The following EPS15L1 variants were observed in gnomAD, a reference collection of about 807,000 sequenced individuals.
EPS15L1 encodes the protein epidermal growth factor receptor substrate 15-like 1.
A neutral mutation model predicts 117.1 loss-of-function variants in EPS15L1; 43 were observed. The ratio of observed to expected loss-of-function variants is 0.37; its 90% CI spans 0.29 to 0.47. The LOEUF (loss-of-function observed/expected upper bound fraction) is 0.47. EPS15L1 is among the 20% of genes least tolerant of loss of function. The probability of loss-of-function intolerance (pLI) is 0.99; values close to 1 mark genes in which losing one functional copy is unlikely to be tolerated. For missense variants in EPS15L1, 981 were observed against 1,164.0 expected, an observed-to-expected ratio of 0.84 and a Z score of 2.29; for synonymous variants, 459 against 470.5, an observed-to-expected ratio of 0.98 and a Z score of 0.32.
intron 1 of EPS15L1, among the ~76,000 whole-genome samples, chr19:16,457,947 AG>A (rs2093212877): frequency 6.6e-6 from 1 of 151,798 alleles, no homozygotes; most frequent in African/African-American, 2.4e-5. Flanking sequence ...GCCTCCCACA[AG>A]GGCCCACTTC....
Position 16,425,218 on chromosome 19 carries a change from G to C in EPS15L1, c.657C>G (p.Phe219Leu). 7.2e-7 allele frequency: 1 copy of C among 1,387,614 alleles called. No homozygotes were observed. The highest frequency in any genetic ancestry group is 9.7e-7 in the Non-Finnish European group (1 of 1,032,906). 86.0% of individuals were successfully genotyped at this position (1,387,614 alleles called of 1,614,324 possible). The change falls in exon 9 of 24, where the codon TTC (phenylalanine) becomes TTG (leucine). Residue 219 changes from phenylalanine to leucine, a missense_variant. Around this residue, in one of 5 missense-constraint regions of EPS15L1, gnomAD observed 819 missense variants for 949.0 expected, o/e 0.86. Transcript: ENST00000455140. ...IPPSKRKKTV[F>L]PGAVPVLPAS... ...CAGGCAGGACGGGGACGGCGCCAGG[G>C]AACACAGTCTTCTTTCTCTTGGAGG... is the stretch of plus-strand genomic sequence containing the variant.
chr19:16,454,671 T>C (rs2093178131), intron 1 of EPS15L1, among the ~76,000 whole-genome samples: 1 of 151,958 alleles, frequency 6.6e-6, no homozygotes, highest in South Asian at 2.1e-4. Flanking sequence ...GGCACAGGGG[T>C]AAGGCCTACA....
At chr19:16,464,819 C>T (rs1224545572) in intron 1 of EPS15L1, among the ~76,000 whole-genome samples, 1 of 152,152 alleles carries the variant, frequency 6.6e-6, no homozygotes, top group Non-Finnish European at 1.5e-5. Context: ...CATGGTGGCT[C>T]ACGCCTGTAA....
At chr19:16,428,987 TTGATTA>T (rs1006479507) in intron 7 of EPS15L1, among the ~76,000 whole-genome samples, 1 of 152,154 alleles carries the variant, frequency 6.6e-6, no homozygotes, top group African/African-American at 2.4e-5. Context: ...TATAATCATA[TTGATTA>T]TAAGATTATA....
intron 13 of EPS15L1, among the ~76,000 whole-genome samples, chr19:16,409,676 G>A (rs946945301): frequency 6.6e-6 from 1 of 152,122 alleles, no homozygotes; most frequent in Non-Finnish European, 1.5e-5. Flanking sequence ...AGTGGCTCCC[G>A]CCTGTAATCC....
In EPS15L1 at chr19:16,417,954, G is replaced by C. The variant is rs200865144; in HGVS notation, c.1101C>G (p.Pro367=). ...CATGACCAGCACCACTCACCGGGCCGGGCGTGCCTCTCTCCGAAGGCGGGA... is the reference window on the plus strand; with the variant it reads ...CATGACCAGCACCACTCACCGGGCCCGGCGTGCCTCTCTCCGAAGGCGGGA... ...DMVPPSERGT[P]GPDSSGSLGS... The change falls in exon 11 of 24, where the codon CCC becomes CCG. Residue 367 remains proline, a synonymous_variant. Coordinates refer to ENST00000455140, the MANE Select transcript of EPS15L1 (RefSeq NM_001258374.3). The C allele has an allele frequency of 2.5e-6, 4 of 1,613,078 alleles. No individual in the cohort carries two copies. Among genetic ancestry groups the C allele is most frequent in the Admixed American group, 3.3e-5 (2 of 59,930 alleles).
chr19:16,406,360 TG>T (rs1480307523), intron 13 of EPS15L1, among the ~76,000 whole-genome samples: 29 of 151,998 alleles, frequency 1.9e-4, no homozygotes, highest in African/African-American at 7.0e-4. Context: ...CTCCAGTGAG[TG>T]TGCCAGGAAG....
chr19:16,398,794 G>A (rs1007884316), intron 16 of EPS15L1, among the ~76,000 whole-genome samples: 1 of 152,032 alleles, frequency 6.6e-6, no homozygotes, highest in South Asian at 2.1e-4. Flanking sequence ...CTCTCCTTAG[G>A]CGACTGGTGG....
intron 9 of EPS15L1, among the ~76,000 whole-genome samples, chr19:16,423,152 A>G (rs1441026295): frequency 6.6e-6 from 1 of 152,208 alleles, no homozygotes; most frequent in African/African-American, 2.4e-5. Context: ...CAGGGAAATC[A>G]GAAAGCAAGC....
chr19:16,451,397 G>C (rs191847286), intron 1 of EPS15L1, among the ~76,000 whole-genome samples: 6 of 152,320 alleles, frequency 3.9e-5, no homozygotes, highest in African/African-American at 1.4e-4. Context: ...CTTGTTATCA[G>C]ATAATACCAA....
At chr19:16,362,508 GTTCT>G (rs2092070596) in intron 22 of EPS15L1, among the ~76,000 whole-genome samples, 1 of 106,532 alleles carries the variant, frequency 9.4e-6, no homozygotes, top group Non-Finnish European at 1.9e-5. Flanking sequence ...TGAGGTTTAA[GTTCT>G]TTTTTTTTTT....
chr19:16,378,122 G>T (rs1330283583), intron 21 of EPS15L1, among the ~76,000 whole-genome samples: 1 of 152,094 alleles, frequency 6.6e-6, no homozygotes, highest in Non-Finnish European at 1.5e-5. Context: ...GTGGGTGGAT[G>T]GATGGATGGA....
intron 10 of EPS15L1, among the ~76,000 whole-genome samples, chr19:16,420,413 T>C (rs183351307): frequency 9.5e-4 from 145 of 152,332 alleles, no homozygotes; most frequent in Middle Eastern, 3.4e-3. Context: ...CTGTGTTTTG[T>C]TGGTTTCTAA....
At chr19:16,431,426 C>T (rs1368517528) in intron 7 of EPS15L1, among the ~76,000 whole-genome samples, 1 of 151,406 alleles carries the variant, frequency 6.6e-6, no homozygotes, top group Non-Finnish European at 1.5e-5. Context: ...GCCTCAGCTT[C>T]CCGAGTCGCT....
chr19:16,374,873 G>A (rs1033652188), intron 22 of EPS15L1, among the ~76,000 whole-genome samples: 1 of 152,144 alleles, frequency 6.6e-6, no homozygotes, highest in African/African-American at 2.4e-5. Flanking sequence ...GCACGCATAT[G>A]TGTGTGCACG....
At position 16,471,953 on chromosome 19, in the gene EPS15L1, C is replaced by A. The variant is rs10415269; in HGVS notation, c.-8G>T. On this transcript the variant is annotated 5_prime_UTR_variant, in exon 1 of 24. Transcript: ENST00000455140. The surrounding 1 kb of genome is among the most constrained non-coding windows in gnomAD (Gnocchi z 4.8). ...GATGAGCGGCGCCGCCATCTTCCCG[C>A]GGACTCGGGCTCCGAGCGCCGGGGG... 8.8e-4 allele frequency: 1,136 copies of A among 1,286,570 alleles called. 10 individuals are homozygous for A. The African/African-American group carries it at 0.015, about 17-fold the overall frequency. The allele number at this position is 1,286,570 out of a possible 1,614,324, so 79.7% of individuals were successfully genotyped here. A position where few individuals can be genotyped will look rare whatever the true frequency, so the allele number is the denominator to read the frequency against.
chr19:16,400,728 C>T, intron 16 of EPS15L1: 1 of 985,352 alleles, frequency 1.0e-6, no homozygotes. Context: ...ATCTACATTC[C>T]CAAAGTAATT....
chr19:16,364,853 G>A (rs888515066), intron 22 of EPS15L1, among the ~76,000 whole-genome samples: 3 of 152,116 alleles, frequency 2.0e-5, no homozygotes, highest in African/African-American at 7.2e-5. Flanking sequence ...TCTCCCTATC[G>A]GCCGCCCACC....
intron 6 of EPS15L1, chr19:16,434,852 T>C (rs1488865794): frequency 2.2e-5 from 4 of 183,000 alleles, no homozygotes; most frequent in African/African-American, 4.7e-5. Context: ...GGAGCCCACT[T>C]GTACCAGAAA....
Sources: gnomAD v4.1 joint callset for allele counts (sites outside exome capture counted in the v4.1 genomes callset) on GRCh38, gnomAD v4.1.1 for gene constraint, gnomAD v4.1.1 regional missense constraint, Gnocchi (gnomAD v3.1) non-coding constraint, MANE v1.5 for transcripts, NCBI Gene and HGNC (gene_info 2026-07-23, HGNC 2026-07-21) for gene names.